The following TNFRSF11A variants were observed in gnomAD, a reference collection of about 807,000 sequenced individuals.
TNFRSF11A encodes tumor necrosis factor receptor superfamily member 11A.
A neutral mutation model predicts 55.7 loss-of-function variants in TNFRSF11A; 32 were observed. The ratio of observed to expected loss-of-function variants is 0.57; its 90% CI spans 0.43 to 0.77. The LOEUF is 0.77. Ranked by LOEUF, TNFRSF11A falls within the 30% of genes least tolerant of loss-of-function variation. The probability of loss-of-function intolerance (pLI) is 0.00; values close to 1 mark genes in which losing one functional copy is unlikely to be tolerated. For synonymous variants in TNFRSF11A, 311 were observed against 331.0 expected, an observed-to-expected ratio of 0.94 and a Z score of 0.65; for missense variants, 753 against 809.8, an observed-to-expected ratio of 0.93 and a Z score of 0.85.
Position 62,383,451 on chromosome 18 carries a change from T to C in TNFRSF11A, c.1568-1300T>C, listed in dbSNP as rs1418234142. On this transcript the variant is annotated intron_variant, in intron 9 of 9. Transcript: ENST00000586569. The surrounding 1 kb of genome is among the most constrained non-coding windows in gnomAD (Gnocchi z 4.2). ...AACTTCATTTTATTTGTATGAATTA[T>C]TACTAAGCTGAGTCACAATGGAGAA... Among the ~76,000 whole-genome samples, 5 of 152,190 alleles carry C rather than the reference T, an allele frequency of 3.3e-5. No individual in the cohort carries two copies. The highest frequency in any genetic ancestry group is 7.3e-5 in the Non-Finnish European group (5 of 68,046).
Position 62,365,509 on chromosome 18 carries a change from A to C in TNFRSF11A, c.731-1199A>C, listed in dbSNP as rs566786241. Among the ~76,000 whole-genome samples the C allele has an allele frequency of 1.2e-3, 190 of 152,314 alleles. 1 individual carries two copies. The highest frequency in any genetic ancestry group is 4.4e-3 in the African/African-American group (182 of 41,574). On this transcript the variant is annotated intron_variant, in intron 7 of 9. Coordinates refer to ENST00000586569, the MANE Select transcript of TNFRSF11A (RefSeq NM_003839.4). ...GCTGGTCTCAGTGGGTCTGACACCT[A>C]GCTTGCTGTGTTTGCCTCACTTTTA...
intron 1 of TNFRSF11A, among the ~76,000 whole-genome samples, chr18:62,340,265 C>A (rs2046292995): frequency 6.6e-6 from 1 of 151,980 alleles, no homozygotes; most frequent in South Asian, 2.1e-4. Context: ...GTCACCCAGG[C>A]TGGAGTGCAG....
Position 62,385,251 on chromosome 18 carries a change from G to C in TNFRSF11A, c.*217G>C. The C allele has an allele frequency of 4.3e-6, 2 of 470,482 alleles. No homozygotes were observed. The highest frequency in any genetic ancestry group is 7.1e-6 in the Non-Finnish European group (2 of 280,320). The allele number at this position is 470,482 out of a possible 1,614,324, so 29.1% of individuals were successfully genotyped here. A position where few individuals can be genotyped will look rare whatever the true frequency, so the allele number is the denominator to read the frequency against. ...GCCCACGGATGCTCAGCAGCCCGCCGCACTGGGGCAGATGTCTCCCCTGCC... is the reference window on the plus strand; with the variant it reads ...GCCCACGGATGCTCAGCAGCCCGCCCCACTGGGGCAGATGTCTCCCCTGCC... On this transcript the variant is annotated 3_prime_UTR_variant, in exon 10 of 10. Coordinates refer to ENST00000586569, the MANE Select transcript of TNFRSF11A (RefSeq NM_003839.4).
At chr18:62,328,435 A>C (rs2046105727) in intron 1 of TNFRSF11A, among the ~76,000 whole-genome samples, 1 of 152,108 alleles carries the variant, frequency 6.6e-6, no homozygotes, top group Non-Finnish European at 1.5e-5. Flanking sequence ...AAAAAAAACA[A>C]CCATATATTT....
In TNFRSF11A at chr18:62,385,330, C is replaced by A; in HGVS notation, c.*296C>A. ...GGCACTATGACAGCTATTTTTATGACTATCCTGTTCTGTGGGGGGGGGGGT... is the reference window on the plus strand; with the variant it reads ...GGCACTATGACAGCTATTTTTATGAATATCCTGTTCTGTGGGGGGGGGGGT... On this transcript the variant is annotated 3_prime_UTR_variant, in exon 10 of 10. Coordinates refer to ENST00000586569, the MANE Select transcript of TNFRSF11A (RefSeq NM_003839.4). 3.4e-6 allele frequency: 1 copy of A among 296,558 alleles called. No homozygotes were observed. The highest frequency in any genetic ancestry group is 6.1e-6 in the Non-Finnish European group (1 of 164,782). The allele number at this position is 296,558 out of a possible 1,614,324, so 18.4% of individuals were successfully genotyped here. A position where few individuals can be genotyped will look rare whatever the true frequency, so the allele number is the denominator to read the frequency against.
At chr18:62,354,631 G>A in intron 4 of TNFRSF11A, 97 bp downstream of exon 4, 1 of 1,558,812 alleles carries the variant, frequency 6.4e-7, no homozygotes, top group South Asian at 1.1e-5. Flanking sequence ...GCTCCAGGGT[G>A]CTAGGCAGCA....
rs374110812 is a variant in TNFRSF11A at position 62,363,283 on chromosome 18, A to T, written c.730+1490A>T. 5.0e-4 allele frequency among the ~76,000 whole-genome samples: 76 copies of T among 152,038 alleles called. No individual in the cohort carries two copies. The East Asian group carries it at 0.013, about 26-fold the overall frequency. ...ATTACATTGCCAAATGAAACACTAG[A>T]CAATCAGAAGATTAATTAAAGAGGA... On this transcript the variant is annotated intron_variant, in intron 7 of 9. Transcript: ENST00000586569.
intron 7 of TNFRSF11A, among the ~76,000 whole-genome samples, chr18:62,365,454 C>G (rs1224122079): frequency 6.6e-6 from 1 of 152,096 alleles, no homozygotes; most frequent in African/African-American, 2.4e-5. Flanking sequence ...TGAGAAGCAG[C>G]CAGATATAGT....
chr18:62,359,951 A>G lies in TNFRSF11A; in HGVS notation c.522-4A>G, dbSNP rs769172677. 36 of 1,613,410 alleles carry G rather than the reference A, an allele frequency of 2.2e-5. No individual in the cohort carries two copies. The highest frequency in any genetic ancestry group is 2.8e-5 in the Non-Finnish European group (33 of 1,179,528). On this transcript the variant is annotated splice_polypyrimidine_tract_variant and splice_region_variant and intron_variant, in intron 5 of 9. Coordinates refer to ENST00000586569, the MANE Select transcript of TNFRSF11A (RefSeq NM_003839.4). ...AAAGCACTGAACCACCTTTTCCCCC[A>G]CAGCTGTACCTTCCTTGGAAAGAGA...
At chr18:62,333,772 T>A (rs1038273642) in intron 1 of TNFRSF11A, among the ~76,000 whole-genome samples, 3 of 152,084 alleles carry the variant, frequency 2.0e-5, no homozygotes, top group Non-Finnish European at 4.4e-5. Context: ...GAAAGCTTTT[T>A]GGTATTTGGG....
intron 7 of TNFRSF11A, 28 bp from the exon 8 acceptor site, chr18:62,366,680 G>A (rs575133298): frequency 6.2e-7 from 1 of 1,612,648 alleles, no homozygotes; most frequent in South Asian, 1.1e-5. Flanking sequence ...ATAACTTGAA[G>A]TCCTTATCCT....
intron 4 of TNFRSF11A, among the ~76,000 whole-genome samples, chr18:62,357,739 TGAG>T (rs1463166231): frequency 1.3e-5 from 2 of 152,186 alleles, no homozygotes; most frequent in African/African-American, 4.8e-5. Context: ...ATATTTGGAC[TGAG>T]GAGATTAAGC....
At position 62,387,418 on chromosome 18, in the gene TNFRSF11A, A is replaced by G. The variant is rs1247424267; in HGVS notation, c.*2384A>G. The G allele has an allele frequency of 6.6e-6, 1 of 152,220 alleles. No individual in the cohort carries two copies. The highest frequency in any genetic ancestry group is 1.5e-5 in the Non-Finnish European group (1 of 68,044). The allele number at this position is 152,220 out of a possible 1,614,324, so 9.4% of individuals were successfully genotyped here. ...ATATTAAGCTTATGTTTCACCATAA[A>G]ATCCTTTTTATGGCTTACTAAAACC... On this transcript the variant is annotated 3_prime_UTR_variant, in exon 10 of 10. Coordinates refer to ENST00000586569, the MANE Select transcript of TNFRSF11A (RefSeq NM_003839.4).
chr18:62,332,789 C>T (rs753430121), intron 1 of TNFRSF11A, among the ~76,000 whole-genome samples: 11 of 152,116 alleles, frequency 7.2e-5, no homozygotes, highest in Non-Finnish European at 1.6e-4. Flanking sequence ...AAGCCAACAA[C>T]CCCAAACCAA....
intron 7 of TNFRSF11A, among the ~76,000 whole-genome samples, chr18:62,366,234 A>G (rs185033553): frequency 6.6e-6 from 1 of 152,382 alleles, no homozygotes; most frequent in Admixed American, 6.5e-5. Context: ...CCTAGTGGTC[A>G]TAATACTGAG....
intron 4 of TNFRSF11A, among the ~76,000 whole-genome samples, chr18:62,356,057 A>T (rs7237792): frequency 0.69 from 103,937 of 151,576 alleles, 35,830 homozygotes; most frequent in African/African-American, 0.71. Flanking sequence ...AGGAATAGAA[A>T]TCCTTTTGAG....
chr18:62,351,781 T>C (rs542725850), intron 3 of TNFRSF11A, among the ~76,000 whole-genome samples: 5 of 152,344 alleles, frequency 3.3e-5, no homozygotes, highest in African/African-American at 9.6e-5. Flanking sequence ...AGTTTCAGTC[T>C]ATTGCAGTTA....
In TNFRSF11A at chr18:62,369,133, G is replaced by A. The variant is rs1389118456; in HGVS notation, c.1216G>A (p.Glu406Lys). Reference sequence around the variant, plus strand: ...GGGTTCAGAAAGCTGCAACTGCACTGAGCCCCTGTGCAGGACTGATTGGAC... The same window carrying A: ...GGGTTCAGAAAGCTGCAACTGCACTAAGCCCCTGTGCAGGACTGATTGGAC... ...TVGSESCNCT[E>K]PLCRTDWTPM... The change falls in exon 9 of 10, where the codon GAG becomes AAG. Residue 406 changes from glutamate to lysine, a missense_variant. By Grantham distance (56) the Glu-to-Lys change is moderately conservative. Around this residue, in one of 3 missense-constraint regions of TNFRSF11A, gnomAD observed 567 missense variants for 596.7 expected, o/e 0.95. Coordinates refer to ENST00000586569, the MANE Select transcript of TNFRSF11A (RefSeq NM_003839.4). The A allele has an allele frequency of 6.2e-7, 1 of 1,614,086 alleles. No homozygotes were observed. Among genetic ancestry groups the A allele is most frequent in the Non-Finnish European group, 8.5e-7 (1 of 1,180,052 alleles).
Position 62,358,243 on chromosome 18 carries a change from C to G in TNFRSF11A, c.428-5C>G. The G allele has an allele frequency of 7.0e-7, 1 of 1,428,348 alleles. No homozygotes were observed. The highest frequency in any genetic ancestry group is 9.6e-7 in the Non-Finnish European group (1 of 1,038,368). 88.5% of individuals were successfully genotyped at this position (1,428,348 alleles called of 1,614,324 possible). A position where few individuals can be genotyped will look rare whatever the true frequency, so the allele number is the denominator to read the frequency against. ...CTGGGTTGTTTTTTTTTTTTTTTCT[C>G]ACAGTGCAGCTCAACAAGGACACAG... On this transcript the variant is annotated splice_region_variant and splice_polypyrimidine_tract_variant and intron_variant, in intron 4 of 9. Coordinates refer to ENST00000586569, the MANE Select transcript of TNFRSF11A (RefSeq NM_003839.4).
Sources: allele counts gnomAD v4.1 joint callset (sites outside exome capture counted in the v4.1 genomes callset), GRCh38; gene constraint gnomAD v4.1.1; regional missense constraint gnomAD v4.1.1; non-coding constraint Gnocchi (gnomAD v3.1); transcripts MANE v1.5; gene names NCBI Gene and HGNC (gene_info 2026-07-23, HGNC 2026-07-21).